NRXN3: variants seen among roughly 807,000 people sequenced by gnomAD.
The protein encoded by NRXN3 is neurexin 3.
NRXN3 carries 32 observed loss-of-function variants against 137.6 expected under a neutral mutation model. The observed-to-expected ratio is 0.23, with a 90% CI of 0.18 to 0.31. The LOEUF is 0.31. Among genes scored for constraint, NRXN3 ranks in the 10% least tolerant of loss-of-function variants. NRXN3 has a pLI of 1.00. For missense variants in NRXN3, 1,574 were observed against 2,062.5 expected (o/e 0.76, Z 4.59); for synonymous variants, 798 against 784.5 (o/e 1.02, Z -0.29).
chr14:79,371,005 G>A (rs1012245058), intron 15 of NRXN3, among the ~76,000 whole-genome samples: 1 of 152,184 alleles, frequency 6.6e-6, no homozygotes, highest in Non-Finnish European at 1.5e-5. Flanking sequence ...CAGCGAAGCA[G>A]AAATTGTATC....
At chr14:78,491,158 G>A (rs1187963404) in intron 4 of NRXN3, among the ~76,000 whole-genome samples, 1 of 152,192 alleles carries the variant, frequency 6.6e-6, no homozygotes, top group South Asian at 2.1e-4. Context: ...CTGGAAACTG[G>A]TAGGATGGCG....
intron 5 of NRXN3, among the ~76,000 whole-genome samples, chr14:78,646,023 T>C (rs946129744): frequency 1.3e-5 from 2 of 152,134 alleles, no homozygotes; most frequent in Non-Finnish European, 2.9e-5. Flanking sequence ...GCGGTGGTCC[T>C]ACTCTATTGC....
intron 4 of NRXN3, among the ~76,000 whole-genome samples, chr14:78,594,153 G>C (rs1368062788): frequency 6.6e-6 from 1 of 152,212 alleles, no homozygotes; most frequent in South Asian, 2.1e-4. Flanking sequence ...GGGAGGCGCC[G>C]ATTGGCTGGC....
At chr14:79,100,360 C>G (rs1249541821) in intron 15 of NRXN3, among the ~76,000 whole-genome samples, 1 of 152,216 alleles carries the variant, frequency 6.6e-6, no homozygotes, top group Non-Finnish European at 1.5e-5. Flanking sequence ...AAGTTAATAT[C>G]TAATGTAAAA....
At chr14:79,191,756 G>GAAT (rs2064355509) in intron 15 of NRXN3, among the ~76,000 whole-genome samples, 1 of 152,104 alleles carries the variant, frequency 6.6e-6, no homozygotes, top group Admixed American at 6.6e-5. Context: ...GTATACAGCA[G>GAAT]GTGATTAAAA....
At chr14:78,442,129 T>TGTG (rs1319950418) in intron 4 of NRXN3, among the ~76,000 whole-genome samples, 18 of 148,380 alleles carry the variant, frequency 1.2e-4, no homozygotes, top group Non-Finnish European at 1.9e-4. Flanking sequence ...GTTAGGTGAT[T>TGTG]GTGGTGGTGC....
chr14:78,943,616 AAAAAAATAT>A lies in NRXN3; in HGVS notation c.2276-13624_2276-13616del, dbSNP rs1390349590. On this transcript the variant is annotated intron_variant, in intron 10 of 20. Coordinates refer to ENST00000335750, the MANE Select transcript of NRXN3 (RefSeq NM_001330195.2). ...AAAGAAGCAAGATCACTGTTAAAAA[AAAAAAATAT>A]ATATATATATATATATATATATATA... 4.4e-4 allele frequency among the ~76,000 whole-genome samples: 18 copies of A among 41,020 alleles called. 1 individual carries two copies. The highest frequency in any genetic ancestry group is 1.1e-3 in the South Asian group (1 of 888). 26.9% of individuals were successfully genotyped at this position (41,020 alleles called of 152,430 possible). A position where few individuals can be genotyped will look rare whatever the true frequency, so the allele number is the denominator to read the frequency against.
intron 1 of NRXN3, among the ~76,000 whole-genome samples, chr14:78,200,721 G>A (rs1400830669): frequency 6.6e-6 from 1 of 152,056 alleles, no homozygotes. Context: ...CATCCTTTAT[G>A]GATTAAATCA....
intron 4 of NRXN3, among the ~76,000 whole-genome samples, chr14:78,363,325 C>G (rs896810693): frequency 6.6e-6 from 1 of 152,132 alleles, no homozygotes; most frequent in African/African-American, 2.4e-5. Flanking sequence ...ATAGCTATGC[C>G]TCATTTATTT....
chr14:78,368,874 A>G (rs1390859547), intron 4 of NRXN3, among the ~76,000 whole-genome samples: 1 of 152,214 alleles, frequency 6.6e-6, no homozygotes, highest in Non-Finnish European at 1.5e-5. Context: ...CATCCTGACC[A>G]CTAGAACTCC....
chr14:79,554,990 C>T (rs1053198184), intron 16 of NRXN3, among the ~76,000 whole-genome samples: 1 of 152,108 alleles, frequency 6.6e-6, no homozygotes, highest in African/African-American at 2.4e-5. Flanking sequence ...TAAGTGTACA[C>T]TATGTGCTAA....
chr14:79,525,218 T>A (rs2097107436), intron 16 of NRXN3, among the ~76,000 whole-genome samples: 1 of 152,162 alleles, frequency 6.6e-6, no homozygotes, highest in African/African-American at 2.4e-5. Flanking sequence ...GAGGCCTTCA[T>A]TTTGGGGTAT....
rs1055763968 is a variant in NRXN3, at chr14:79,864,714, GGTTTT to G, written c.*2755_*2759del. Reference sequence around the variant, plus strand: ...TCTAGAAAAGATTATTGGATACTATGGTTTTGTTTGTTTGTTTTTGTTTTTTGTTT... The same window carrying G: ...TCTAGAAAAGATTATTGGATACTATGGTTTGTTTGTTTTTGTTTTTTGTTT... On this transcript the variant is annotated 3_prime_UTR_variant, in exon 21 of 21. Transcript: ENST00000335750. 3 of 151,984 alleles carry G rather than the reference GGTTTT, an allele frequency of 2.0e-5. No homozygotes were observed. The highest frequency in any genetic ancestry group is 6.5e-5 in the Admixed American group (1 of 15,268). 9.4% of individuals were successfully genotyped at this position (151,984 alleles called of 1,614,324 possible). A position where few individuals can be genotyped will look rare whatever the true frequency, so the allele number is the denominator to read the frequency against.
chr14:78,173,807 A>C (rs561066730), intron 1 of NRXN3, among the ~76,000 whole-genome samples: 58 of 107,130 alleles, frequency 5.4e-4, no homozygotes, highest in African/African-American at 1.6e-3. Context: ...CGGCACATCC[A>C]CACACACACT....
intron 10 of NRXN3, among the ~76,000 whole-genome samples, chr14:78,868,804 A>G (rs563087479): frequency 3.9e-5 from 6 of 152,172 alleles, no homozygotes; most frequent in Non-Finnish European, 5.9e-5. Flanking sequence ...CAGGGCAAAA[A>G]AAGCGAAACT....
At chr14:79,420,071 G>A (rs531105287) in intron 15 of NRXN3, among the ~76,000 whole-genome samples, 1 of 152,236 alleles carries the variant, frequency 6.6e-6, no homozygotes, top group East Asian at 1.9e-4. Flanking sequence ...GAGATATTTT[G>A]GCTCCATAAC....
intron 18 of NRXN3, among the ~76,000 whole-genome samples, chr14:79,694,868 A>G (rs2098729442): frequency 6.6e-6 from 1 of 152,002 alleles, no homozygotes; most frequent in Non-Finnish European, 1.5e-5. Context: ...TTACTACAGC[A>G]GAAGAGCAGA....
intron 16 of NRXN3, among the ~76,000 whole-genome samples, chr14:79,524,549 T>C (rs2097100701): frequency 6.6e-6 from 1 of 152,160 alleles, no homozygotes; most frequent in East Asian, 1.9e-4. Context: ...CAACAAAAAA[T>C]AATTCTGGGG....
At chr14:78,830,673 A>G (rs1196076559) in intron 10 of NRXN3, among the ~76,000 whole-genome samples, 1 of 151,958 alleles carries the variant, frequency 6.6e-6, no homozygotes, top group Non-Finnish European at 1.5e-5. Context: ...TTAATAATAA[A>G]ATAGTATTTA....
Sources: allele counts gnomAD v4.1 joint callset (sites outside exome capture counted in the v4.1 genomes callset), GRCh38; gene constraint gnomAD v4.1.1; transcripts MANE v1.5; gene names NCBI Gene and HGNC (gene_info 2026-07-23, HGNC 2026-07-21).